CPXM2: variants seen among roughly 807,000 people sequenced by gnomAD.
CPXM2 encodes the protein inactive carboxypeptidase-like protein X2.
CPXM2 carries 66 observed loss-of-function variants against 86.1 expected under a neutral mutation model. The observed-to-expected ratio is 0.77, with a 90% CI of 0.63 to 0.94. The LOEUF is 0.94. Among genes scored for constraint, CPXM2 ranks in the 40% least tolerant of loss-of-function variants. The probability of loss-of-function intolerance (pLI) is 0.00; values close to 1 mark genes in which losing one functional copy is unlikely to be tolerated. For missense variants in CPXM2, 948 were observed against 1,026.3 expected (o/e 0.92, Z 1.04); for synonymous variants, 388 against 400.2 (o/e 0.97, Z 0.36).
At chr10:123,789,545 G>A (rs1199905086) in intron 6 of CPXM2, among the ~76,000 whole-genome samples, 1 of 152,210 alleles carries the variant, frequency 6.6e-6, no homozygotes, top group African/African-American at 2.4e-5. Context: ...GGACCACGAA[G>A]AGAAATCTCA....
intron 4 of CPXM2, 92 bp from the exon 5 acceptor site, chr10:123,799,291 AGGCAGAT>A: frequency 6.7e-7 from 1 of 1,491,142 alleles, no homozygotes; most frequent in Non-Finnish European, 9.2e-7. Flanking sequence ...CAGGTGCCAG[AGGCAGAT>A]GGCACTGGGT....
intron 2 of CPXM2, among the ~76,000 whole-genome samples, chr10:123,919,082 A>G (rs1037381688): frequency 7.0e-6 from 1 of 142,890 alleles, no homozygotes; most frequent in Non-Finnish European, 1.6e-5. Context: ...CTGTGCACGT[A>G]TGGAACTGAC....
rs1446216896 is a variant in CPXM2 at position 123,862,641 on chromosome 10, C to T, written c.486G>A (p.Gly162=). The part of the protein sequence containing the change: ...HASTVKRYGL[G]AHRGRLNIQA... ...GGATGTTGAGTCTCCCTCGATGTGC[C>T]CCCAGGCCATAGCGCTTCACCGTGG... Residue 162 remains glycine, a synonymous_variant, in exon 3 of 14, where the codon GGG becomes GGA. Transcript: ENST00000241305. 4 of 1,614,062 alleles carry T rather than the reference C, an allele frequency of 2.5e-6. No individual in the cohort carries two copies. Among genetic ancestry groups the T allele is most frequent in the East Asian group, 4.5e-5 (2 of 44,888 alleles).
chr10:123,865,920 C>T lies in CPXM2; in HGVS notation c.404-3197G>A, dbSNP rs1194279479. Among the ~76,000 whole-genome samples the T allele has an allele frequency of 6.6e-6, 1 of 152,076 alleles. No homozygotes were observed. The highest frequency in any genetic ancestry group is 1.5e-5 in the Non-Finnish European group (1 of 68,018). On this transcript the variant is annotated intron_variant, in intron 2 of 13. Transcript: ENST00000241305. This position sits in a 1 kb window ranked among gnomAD's most constrained non-coding sequence, Gnocchi z 4.7. Reference sequence around the variant, plus strand: ...ACAGTGGCCCTGGTCACTTTGTGGCCCTTTGGGACTCCTCAGCCTCTTCTC... The same window carrying T: ...ACAGTGGCCCTGGTCACTTTGTGGCTCTTTGGGACTCCTCAGCCTCTTCTC...
chr10:123,890,983 A>G (rs1341175931), intron 1 of CPXM2, among the ~76,000 whole-genome samples: 1 of 152,366 alleles, frequency 6.6e-6, no homozygotes, highest in Non-Finnish European at 1.5e-5. Flanking sequence ...GCGGAAATTC[A>G]GCCGCATTTG....
intron 2 of CPXM2, among the ~76,000 whole-genome samples, chr10:123,878,581 T>C (rs976952952): frequency 2.0e-5 from 3 of 151,362 alleles, no homozygotes; most frequent in African/African-American, 7.3e-5. Flanking sequence ...GAAAATGGTC[T>C]CCTCAAAAGT....
intron 5 of CPXM2, 113 bp from the exon 6 acceptor site, chr10:123,798,239 C>A: frequency 1.4e-6 from 1 of 736,862 alleles, no homozygotes; most frequent in Non-Finnish European, 2.0e-6. Context: ...CTAATGTGTG[C>A]TGTGCATTGA....
At chr10:123,807,935 C>T (rs924042069) in intron 4 of CPXM2, among the ~76,000 whole-genome samples, 44 of 152,270 alleles carry the variant, frequency 2.9e-4, no homozygotes, top group Non-Finnish European at 7.4e-5. Flanking sequence ...CTGGAGGTTA[C>T]GAACTCCAAG....
chr10:123,917,797 C>T (rs945206025), intron 2 of CPXM2, among the ~76,000 whole-genome samples: 1 of 152,202 alleles, frequency 6.6e-6, no homozygotes, highest in Non-Finnish European at 1.5e-5. Flanking sequence ...ACCTGGACCA[C>T]CTGACTAAAA....
At chr10:123,862,912 C>T (rs1475978610) in intron 2 of CPXM2, among the ~76,000 whole-genome samples, 189 bp from the exon 3 acceptor site, 1 of 152,182 alleles carries the variant, frequency 6.6e-6, no homozygotes, top group Non-Finnish European at 1.5e-5. Context: ...TTGGCATTTG[C>T]TTTAGGGGTG....
At position 123,750,540 on chromosome 10, in the gene CPXM2, T is replaced by C. The variant is rs111988738; in HGVS notation, c.2018-3523A>G. 131 of 985,032 alleles carry C rather than the reference T, an allele frequency of 1.3e-4. 1 individual carries two copies. The African/African-American group carries it at 2.1e-3, about 16-fold the overall frequency. The allele number at this position is 985,032 out of a possible 1,614,324, so 61.0% of individuals were successfully genotyped here. On this transcript the variant is annotated intron_variant, in intron 13 of 13. Transcript: ENST00000241305. ...CCACCTATTTGTAAATATCACTTAA[T>C]TTATTTTTTTCATGGCACTGATCAT...
chr10:123,830,466 C>A (rs1243930580), intron 4 of CPXM2, among the ~76,000 whole-genome samples: 1 of 152,224 alleles, frequency 6.6e-6, no homozygotes. Context: ...CGCTAGTAGT[C>A]CCCAACCTTC....
intron 4 of CPXM2, among the ~76,000 whole-genome samples, chr10:123,818,214 GC>G (rs1291199014): frequency 6.6e-6 from 1 of 152,198 alleles, no homozygotes; most frequent in Non-Finnish European, 1.5e-5. Context: ...ACATCACTCA[GC>G]ATCTTTCCCC....
Position 123,880,222 on chromosome 10 carries a change from T to C in CPXM2, c.392A>G (p.Asp131Gly). ...DDHSVRVAREDVRESCPPLGL... is the reference protein window; with the variant it reads ...DDHSVRVAREGVRESCPPLGL... ...AGAGCCTCACTTACTCTCTCTGACA[T>C]CTTCACGGGCCACACGGACACTGTG... is the stretch of plus-strand genomic sequence containing the variant. Residue 131 changes from aspartate to glycine, a missense_variant, in exon 2 of 14, where the codon GAT (aspartate) becomes GGT (glycine). By Grantham distance (94) the Asp-to-Gly change is moderately conservative. Transcript: ENST00000241305. 1 of 1,390,120 alleles carries C rather than the reference T, an allele frequency of 7.2e-7. No homozygotes were observed. Among genetic ancestry groups the C allele is most frequent in the Non-Finnish European group, 9.7e-7 (1 of 1,029,732 alleles). 86.1% of individuals were successfully genotyped at this position (1,390,120 alleles called of 1,614,324 possible). A position where few individuals can be genotyped will look rare whatever the true frequency, so the allele number is the denominator to read the frequency against.
chr10:123,901,384 T>C (rs1273088876), intron 2 of CPXM2, among the ~76,000 whole-genome samples: 1 of 149,902 alleles, frequency 6.7e-6, no homozygotes, highest in Non-Finnish European at 1.5e-5. Flanking sequence ...GAGAAGGAGC[T>C]CCTGGGAGCA....
intron 2 of CPXM2, among the ~76,000 whole-genome samples, chr10:123,904,305 T>C (rs1945412645): frequency 6.6e-6 from 1 of 152,156 alleles, no homozygotes; most frequent in Non-Finnish European, 1.5e-5. Context: ...ATTGTGCTGA[T>C]GTTTGAGTAA....
At chr10:123,846,327 C>A (rs1848494440) in intron 3 of CPXM2, among the ~76,000 whole-genome samples, 1 of 152,198 alleles carries the variant, frequency 6.6e-6, no homozygotes, top group African/African-American at 2.4e-5. Flanking sequence ...GATCATCAGG[C>A]ATTAGATTCT....
chr10:123,826,457 A>G (rs1848049135), intron 4 of CPXM2, among the ~76,000 whole-genome samples: 1 of 152,206 alleles, frequency 6.6e-6, no homozygotes, highest in Non-Finnish European at 1.5e-5. Flanking sequence ...ACATTTAACA[A>G]TGCAAAGGTA....
intron 6 of CPXM2, among the ~76,000 whole-genome samples, chr10:123,793,244 G>A (rs927447193): frequency 4.0e-5 from 6 of 151,822 alleles, no homozygotes; most frequent in African/African-American, 1.2e-4. Flanking sequence ...GCGGGTGGAT[G>A]ACGAGGTCAG....
Sources: allele counts gnomAD v4.1 joint callset (sites outside exome capture counted in the v4.1 genomes callset), GRCh38; gene constraint gnomAD v4.1.1; non-coding constraint Gnocchi (gnomAD v3.1); transcripts MANE v1.5; gene names NCBI Gene and HGNC (gene_info 2026-07-23, HGNC 2026-07-21).